ADGRV1: variants seen among roughly 807,000 people sequenced by gnomAD.
The protein encoded by ADGRV1 is G-protein coupled receptor 98.
In ADGRV1, 359 loss-of-function variants were observed where a neutral mutation model predicts 596.2. That is an observed-to-expected ratio of 0.60 (90% confidence interval 0.55 to 0.66). The LOEUF (loss-of-function observed/expected upper bound fraction) is 0.66, where lower values mean the gene tolerates loss of function less well. Among genes scored for constraint, ADGRV1 ranks in the 30% least tolerant of loss-of-function variants. ADGRV1 has a pLI of 0.00. For synonymous variants in ADGRV1, 2,681 were observed against 2,679.2 expected (o/e 1.00, Z -0.02); for missense variants, 7,274 against 7,575.6 (o/e 0.96, Z 1.48).
chr5:90,645,001 T>A lies in ADGRV1; in HGVS notation c.2898+132T>A, dbSNP rs79136706. ...AATAAAGAACTCAGGTGTGACAGTG[T>A]CTGACCATAAACCAGAAGAGCAGTA... On this transcript the variant is annotated intron_variant, in intron 15 of 89. Transcript: ENST00000405460. 156 of 658,404 alleles carry A rather than the reference T, an allele frequency of 2.4e-4. No individual in the cohort carries two copies. In the African/African-American group the frequency reaches 2.6e-3, roughly 11 times the overall value. 40.8% of individuals were successfully genotyped at this position (658,404 alleles called of 1,614,324 possible). A position where few individuals can be genotyped will look rare whatever the true frequency, so the allele number is the denominator to read the frequency against.
chr5:90,675,723 G>A (rs1310781717), intron 24 of ADGRV1, among the ~76,000 whole-genome samples: 2 of 151,982 alleles, frequency 1.3e-5, no homozygotes, highest in Admixed American at 1.3e-4. Context: ...ACGAGTTCAA[G>A]GCTATAGTGA....
At chr5:90,877,264 A>G (rs1769304576) in intron 83 of ADGRV1, among the ~76,000 whole-genome samples, 1 of 152,006 alleles carries the variant, frequency 6.6e-6, no homozygotes. Context: ...TGTTCTGTTT[A>G]GTTTGCAAGG....
chr5:90,770,535 GTTTC>G (rs1459726480), intron 59 of ADGRV1, among the ~76,000 whole-genome samples: 3 of 152,140 alleles, frequency 2.0e-5, no homozygotes, highest in Non-Finnish European at 4.4e-5. Context: ...TTAATCTTTA[GTTTC>G]TTTCTTTCTG....
intron 83 of ADGRV1, among the ~76,000 whole-genome samples, chr5:90,894,956 T>C (rs1348394369): frequency 6.6e-6 from 1 of 152,056 alleles, no homozygotes; most frequent in African/African-American, 2.4e-5. Context: ...TCAGACAGGG[T>C]CTTGCTCTGT....
intron 34 of ADGRV1, among the ~76,000 whole-genome samples, chr5:90,698,979 AT>A (rs1747557747): frequency 6.6e-6 from 1 of 152,166 alleles, no homozygotes; most frequent in Admixed American, 6.5e-5. Flanking sequence ...TGGTAGATGA[AT>A]TTTAAAGGAG....
chr5:90,680,667 C>G (rs1744818195), intron 26 of ADGRV1, among the ~76,000 whole-genome samples: 1 of 152,132 alleles, frequency 6.6e-6, no homozygotes, highest in Non-Finnish European at 1.5e-5. Context: ...CCATCAGTGC[C>G]TAATGCAACC....
intron 87 of ADGRV1, among the ~76,000 whole-genome samples, chr5:91,145,413 G>GTAAC (rs1795452635): frequency 6.6e-6 from 1 of 152,204 alleles, no homozygotes; most frequent in African/African-American, 2.4e-5. Flanking sequence ...AAATAAATCA[G>GTAAC]TAACGTTTGC....
intron 85 of ADGRV1, among the ~76,000 whole-genome samples, chr5:91,052,436 C>CT (rs776174555): frequency 0.021 from 2,931 of 140,388 alleles, 32 homozygotes; most frequent in Middle Eastern, 0.054. Flanking sequence ...CTGCATATTT[C>CT]TTTTTTTTTT....
At position 90,577,845 on chromosome 5, in the gene ADGRV1, T is replaced by A. The variant is rs543272686; in HGVS notation, c.22+18928T>A. 3.2e-4 allele frequency among the ~76,000 whole-genome samples: 49 copies of A among 152,314 alleles called. 1 individual carries two copies. Among genetic ancestry groups the A allele is most frequent in the African/African-American group, 1.1e-3 (46 of 41,572 alleles). On this transcript the variant is annotated intron_variant, in intron 1 of 89. Transcript: ENST00000405460. ...AGAGATCCTTCATATCCTTTGTAAG[T>A]TGGATTCCTAGGTATTTTATTCTCT...
chr5:90,790,062 A>G (rs1215935872), intron 69 of ADGRV1, among the ~76,000 whole-genome samples: 1 of 152,242 alleles, frequency 6.6e-6, no homozygotes, highest in East Asian at 1.9e-4. Context: ...AATTGGTTAC[A>G]GTTAGTTCAG....
In ADGRV1 at chr5:91,149,735, AG is replaced by A. The variant is rs372232604; in HGVS notation, c.18433-293del. Among the ~76,000 whole-genome samples, 86 of 147,670 alleles carry A rather than the reference AG, an allele frequency of 5.8e-4. No homozygotes were observed. The South Asian group carries it at 0.019, about 32-fold the overall frequency. On this transcript the variant is annotated intron_variant, in intron 87 of 89. Transcript: ENST00000405460. ...ATAGTCCCAGCTACTCGGGAGACTG[AG>A]GCAGGAGAATCACTTGAGTCTGAGA...
rs1225831618 is a variant in ADGRV1, at chr5:90,627,739, G to C, written c.1201G>C (p.Glu401Gln). ...CCTTTCATTCAACAGTGTTTTGTTTGAAAGGACAGTTATAATTGATGAAGA... is the reference window on the plus strand; with the variant it reads ...CCTTTCATTCAACAGTGTTTTGTTTCAAAGGACAGTTATAATTGATGAAGA... ...GVLSFNSVLF[E>Q]RTVIIDEDRI... The change falls in exon 7 of 90, where the codon GAA becomes CAA. Residue 401 changes from glutamate to glutamine, a missense_variant. By Grantham distance (29) the Glu-to-Gln change is conservative. This residue lies in a region of ADGRV1 where 1,715 missense variants were observed against 1,708.8 expected (regional missense o/e 1.00). Transcript: ENST00000405460. 3.2e-6 allele frequency: 5 copies of C among 1,584,516 alleles called. No homozygotes were observed. Among genetic ancestry groups the C allele is most frequent in the Non-Finnish European group, 4.3e-6 (5 of 1,165,236 alleles).
At position 90,958,283 on chromosome 5, in the gene ADGRV1, C is replaced by CAA. The variant is rs34676985; in HGVS notation, c.17857-7113_17857-7112dup. Among the ~76,000 whole-genome samples the CAA allele has an allele frequency of 8.6e-3, 621 of 71,882 alleles. 8 individuals carry two copies. Among genetic ancestry groups the CAA allele is most frequent in the African/African-American group, 0.011 (215 of 20,254 alleles). 47.2% of individuals were successfully genotyped at this position (71,882 alleles called of 152,430 possible). A position where few individuals can be genotyped will look rare whatever the true frequency, so the allele number is the denominator to read the frequency against. On this transcript the variant is annotated intron_variant, in intron 83 of 89. Transcript: ENST00000405460. ...TGGGTGACAGAGCCAGACCTTGTCTCAAAAAAAAAAAAAAAAAAAAGAAAA... is the reference window on the plus strand; with the variant it reads ...TGGGTGACAGAGCCAGACCTTGTCTCAAAAAAAAAAAAAAAAAAAAAAGAAAA...
At chr5:90,985,220 T>C in intron 84 of ADGRV1, 124 bp from the exon 85 acceptor site, 1 of 547,176 alleles carries the variant, frequency 1.8e-6, no homozygotes, top group Non-Finnish European at 3.0e-6. Flanking sequence ...CTTAAAAAAA[T>C]CAAAACTAAT....
intron 5 of ADGRV1, among the ~76,000 whole-genome samples, chr5:90,623,270 A>G (rs1764325202): frequency 6.6e-6 from 1 of 152,252 alleles, no homozygotes. Flanking sequence ...AAAATAAATC[A>G]TAGGATAGAA....
chr5:91,122,137 C>T (rs567853905), intron 87 of ADGRV1, among the ~76,000 whole-genome samples: 14 of 152,156 alleles, frequency 9.2e-5, no homozygotes, highest in South Asian at 4.2e-4. Context: ...TGGGTCTTTC[C>T]GTGAAAAACA....
At position 91,149,831 on chromosome 5, in the gene ADGRV1, CAAAAAAAAA is replaced by C. The variant is rs59523008; in HGVS notation, c.18433-189_18433-181del. Among the ~76,000 whole-genome samples, 8 of 85,896 alleles carry C rather than the reference CAAAAAAAAA, an allele frequency of 9.3e-5. No individual in the cohort carries two copies. The East Asian group carries it at 2.1e-3, about 22-fold the overall frequency. The allele number at this position is 85,896 out of a possible 152,430, so 56.4% of individuals were successfully genotyped here. On this transcript the variant is annotated intron_variant, in intron 87 of 89. Coordinates refer to ENST00000405460, the MANE Select transcript of ADGRV1 (RefSeq NM_032119.4). ...TCGGTGACAGAATAAAACTCCAGCT[CAAAAAAAAA>C]AAAAAAAAAGAGAAAGAAAAAAAGA...
At chr5:90,590,558 A>G (rs1311714563) in intron 1 of ADGRV1, among the ~76,000 whole-genome samples, 2 of 152,194 alleles carry the variant, frequency 1.3e-5, no homozygotes, top group African/African-American at 4.8e-5. Flanking sequence ...GACTGGGCAG[A>G]AACTTCAAAA....
At chr5:91,076,515 A>G (rs1202481359) in intron 86 of ADGRV1, among the ~76,000 whole-genome samples, 1 of 152,204 alleles carries the variant, frequency 6.6e-6, no homozygotes, top group Non-Finnish European at 1.5e-5. Flanking sequence ...GAATAAATTA[A>G]TAATCATCAA....
Sources: gnomAD v4.1 joint callset for allele counts (sites outside exome capture counted in the v4.1 genomes callset) on GRCh38, gnomAD v4.1.1 for gene constraint, gnomAD v4.1.1 regional missense constraint, MANE v1.5 for transcripts, NCBI Gene and HGNC (gene_info 2026-07-23, HGNC 2026-07-21) for gene names.